GRIK2: variants seen among roughly 807,000 people sequenced by gnomAD.
The protein encoded by GRIK2 is glutamate receptor ionotropic, kainate 2.
In GRIK2, 32 loss-of-function variants were observed where a neutral mutation model predicts 100.3. That is an observed-to-expected ratio of 0.32 (90% CI 0.24 to 0.43). The LOEUF is 0.43. Among genes scored for constraint, GRIK2 ranks in the 20% least tolerant of loss-of-function variants. GRIK2 has a pLI of 1.00. For synonymous variants in GRIK2, 417 were observed against 389.4 expected (o/e 1.07, Z -0.83); for missense variants, 843 against 1,114.9 (o/e 0.76, Z 3.47).
chr6:101,953,281 A>G (rs1562507985), intron 14 of GRIK2, among the ~76,000 whole-genome samples: 2 of 152,118 alleles, frequency 1.3e-5, no homozygotes, highest in African/African-American at 4.8e-5. Flanking sequence ...TCTTGGGTCT[A>G]TAAGCAGAAT....
chr6:101,589,795 C>G (rs1032923145), intron 2 of GRIK2, among the ~76,000 whole-genome samples: 3 of 151,926 alleles, frequency 2.0e-5, no homozygotes, highest in African/African-American at 7.3e-5. Context: ...ATAGAGATGT[C>G]CAGCAGCTGA....
chr6:101,500,458 A>C (rs1269091229), intron 2 of GRIK2, among the ~76,000 whole-genome samples: 1 of 152,132 alleles, frequency 6.6e-6, no homozygotes, highest in Non-Finnish European at 1.5e-5. Flanking sequence ...TGGAGCAGAG[A>C]GTTAACTAAC....
chr6:102,050,023 A>T (rs1354880551), intron 15 of GRIK2, among the ~76,000 whole-genome samples: 1 of 152,146 alleles, frequency 6.6e-6, no homozygotes, highest in Non-Finnish European at 1.5e-5. Context: ...AATTAAAAGA[A>T]ATGCTGACTG....
intron 11 of GRIK2, among the ~76,000 whole-genome samples, chr6:101,880,679 T>C (rs1030451525): frequency 2.0e-5 from 3 of 152,044 alleles, no homozygotes; most frequent in Non-Finnish European, 4.4e-5. Context: ...TAATTTTGTC[T>C]TAGTTCCAAG....
At chr6:101,614,936 G>A (rs1044901317) in intron 2 of GRIK2, among the ~76,000 whole-genome samples, 3 of 151,780 alleles carry the variant, frequency 2.0e-5, no homozygotes, top group Admixed American at 1.3e-4. Context: ...AAAGAGAAAG[G>A]CATTGACTAG....
At chr6:101,839,574 G>C (rs1157375548) in intron 10 of GRIK2, among the ~76,000 whole-genome samples, 1 of 152,172 alleles carries the variant, frequency 6.6e-6, no homozygotes, top group Non-Finnish European at 1.5e-5. Flanking sequence ...GTATGATCAA[G>C]TTGGGGGTTT....
chr6:101,573,172 G>GTGA (rs1777637551), intron 2 of GRIK2, among the ~76,000 whole-genome samples: 1 of 152,104 alleles, frequency 6.6e-6, no homozygotes, highest in Non-Finnish European at 1.5e-5. Context: ...TTCACGTGTG[G>GTGA]TGATGGTTGT....
chr6:101,693,473 T>C (rs918509074), intron 7 of GRIK2, among the ~76,000 whole-genome samples: 1 of 151,960 alleles, frequency 6.6e-6, no homozygotes, highest in Non-Finnish European at 1.5e-5. Context: ...GGTTTGTTCA[T>C]TGTCTGGGAC....
chr6:101,894,476 T>C (rs1787310926), intron 12 of GRIK2, among the ~76,000 whole-genome samples: 1 of 151,712 alleles, frequency 6.6e-6, no homozygotes, highest in Non-Finnish European at 1.5e-5. Context: ...AAAATTCTAA[T>C]GGTAGCTCTT....
At chr6:101,797,603 A>G (rs1439113585) in intron 7 of GRIK2, among the ~76,000 whole-genome samples, 2 of 148,268 alleles carry the variant, frequency 1.3e-5, no homozygotes, top group East Asian at 3.9e-4. Context: ...ACTTCATATT[A>G]CTCTATAAAT....
At position 101,472,919 on chromosome 6, in the gene GRIK2, G is replaced by A. The variant is rs543772671; in HGVS notation, c.115+73527G>A. 9.2e-5 allele frequency among the ~76,000 whole-genome samples: 14 copies of A among 151,722 alleles called. No individual in the cohort carries two copies. In the South Asian group the frequency reaches 2.9e-3, roughly 31 times the overall value. ...CTTCAGAATAATATGAAGAGGAAAG[G>A]AAAAGAGGTTTGAAAACTAAGGTCG... On this transcript the variant is annotated intron_variant, in intron 2 of 16. Coordinates refer to ENST00000369134, the MANE Select transcript of GRIK2 (RefSeq NM_021956.5).
intron 14 of GRIK2, among the ~76,000 whole-genome samples, chr6:101,934,707 G>A (rs377324227): frequency 4.9e-4 from 75 of 151,846 alleles, no homozygotes; most frequent in African/African-American, 3.1e-4. Context: ...ATTGTTGTCC[G>A]TTTTTATTTA....
chr6:101,408,799 T>G (rs1252582239), intron 2 of GRIK2, among the ~76,000 whole-genome samples: 1 of 151,946 alleles, frequency 6.6e-6, no homozygotes, highest in Non-Finnish European at 1.5e-5. Context: ...ACACCCAAAT[T>G]GTTTGACCAA....
At chr6:101,558,855 T>C (rs952280571) in intron 2 of GRIK2, among the ~76,000 whole-genome samples, 1 of 152,104 alleles carries the variant, frequency 6.6e-6, no homozygotes, top group Non-Finnish European at 1.5e-5. Flanking sequence ...CTCTTTTGAG[T>C]GCCAAATGTG....
intron 14 of GRIK2, among the ~76,000 whole-genome samples, chr6:101,972,700 T>C (rs778446574): frequency 6.6e-6 from 1 of 151,960 alleles, no homozygotes; most frequent in Non-Finnish European, 1.5e-5. Flanking sequence ...AAATCTTTAA[T>C]TAATCTTGGG....
At chr6:101,407,851 A>T (rs1401972475) in intron 2 of GRIK2, among the ~76,000 whole-genome samples, 2 of 152,184 alleles carry the variant, frequency 1.3e-5, no homozygotes, top group Non-Finnish European at 2.9e-5. Context: ...TATATACAAT[A>T]GTTGTTTAAA....
At chr6:102,067,699 C>T (rs1804439224) in intron 16 of GRIK2, among the ~76,000 whole-genome samples, 2 of 151,674 alleles carry the variant, frequency 1.3e-5, no homozygotes, top group South Asian at 2.1e-4. Flanking sequence ...CTAATGATGA[C>T]AAAAAAGTTA....
chr6:101,503,097 C>T (rs941966799), intron 2 of GRIK2, among the ~76,000 whole-genome samples: 1 of 152,038 alleles, frequency 6.6e-6, no homozygotes, highest in African/African-American at 2.4e-5. Flanking sequence ...TTATTGGTGC[C>T]TGGGAAAGAC....
chr6:101,774,859 T>A (rs904190599), intron 7 of GRIK2, among the ~76,000 whole-genome samples: 1 of 151,818 alleles, frequency 6.6e-6, no homozygotes, highest in Non-Finnish European at 1.5e-5. Context: ...TTAAAAGATA[T>A]ATATATCAGA....
Sources: gnomAD v4.1 joint callset for allele counts (sites outside exome capture counted in the v4.1 genomes callset) on GRCh38, gnomAD v4.1.1 for gene constraint, MANE v1.5 for transcripts, NCBI Gene and HGNC (gene_info 2026-07-23, HGNC 2026-07-21) for gene names.